FOXK2: variants seen among roughly 807,000 people sequenced by gnomAD.
FOXK2 encodes the protein forkhead box protein K2.
Under a neutral mutation model 53.3 loss-of-function variants are expected in FOXK2, and 24 were observed. That is an observed-to-expected ratio of 0.45 (90% CI 0.33 to 0.63). The LOEUF is 0.63. FOXK2 is among the 30% of genes least tolerant of loss of function. The pLI is 0.03. For missense variants in FOXK2, 952 were observed against 910.5 expected, an observed-to-expected ratio of 1.05 and a Z score of -0.59; for synonymous variants, 505 against 407.1, an observed-to-expected ratio of 1.24 and a Z score of -2.89.
intron 8 of FOXK2, among the ~76,000 whole-genome samples, chr17:82,596,783 A>G (rs565506888): frequency 1.1e-4 from 16 of 152,054 alleles, no homozygotes; most frequent in African/African-American, 3.1e-4. Flanking sequence ...TCTTTCTTTG[A>G]TCTCTGCCGA....
intron 1 of FOXK2, among the ~76,000 whole-genome samples, chr17:82,548,580 T>C (rs1490464690): frequency 6.6e-6 from 1 of 152,214 alleles, no homozygotes; most frequent in South Asian, 2.1e-4. Context: ...ATTCCATCCT[T>C]TGCCCTGTTT....
At chr17:82,571,963 A>G in intron 4 of FOXK2, 93 bp downstream of exon 4, 1 of 1,297,630 alleles carries the variant, frequency 7.7e-7, no homozygotes, top group Non-Finnish European at 1.0e-6. Flanking sequence ...ACAGGATAGG[A>G]AGGTAGAAGG....
Position 82,586,008 on chromosome 17 carries a change from A to G in FOXK2, c.1384A>G (p.Thr462Ala), listed in dbSNP as rs759715528. Residue 462 changes from threonine (T) to alanine (A), a missense_variant, in exon 7 of 9, where the codon ACC (threonine) becomes GCC (alanine). Physicochemically the swap from Thr to Ala is moderately conservative, Grantham distance 58 (BLOSUM62 0). Around this residue, in one of 5 missense-constraint regions of FOXK2, gnomAD observed 551 missense variants for 385.1 expected, o/e 1.43. Coordinates refer to ENST00000335255, the MANE Select transcript of FOXK2 (RefSeq NM_004514.4). ...YTVATPVTTS[T>A]SQPPVVQTVH... ...TGTGGCCACCCCAGTGACCACCTCG[A>G]CCTCCCAGCCACCCGTCGTGCAGAC... The G allele has an allele frequency of 6.2e-7, 1 of 1,612,678 alleles. No homozygotes were observed. Among genetic ancestry groups the G allele is most frequent in the South Asian group, 1.1e-5 (1 of 91,080 alleles).
chr17:82,545,681 A>G (rs1423745904), intron 1 of FOXK2, among the ~76,000 whole-genome samples: 5 of 151,690 alleles, frequency 3.3e-5, no homozygotes, highest in African/African-American at 1.2e-4. Context: ...TCCCAGGTTC[A>G]AGCGATTCTC....
chr17:82,585,910 C>G lies in FOXK2; in HGVS notation c.1286C>G (p.Pro429Arg). ...CTGCTGTGTCTTTCACCAGGGTCAC[C>G]TCTGTCCAGTCAGCCAGTCTTAATC... ...ARFAQSAPGSPLSSQPVLITV... is the reference protein window; with the variant it reads ...ARFAQSAPGSRLSSQPVLITV... Residue 429 changes from proline to arginine, a missense_variant, in exon 7 of 9, where the codon CCT becomes CGT. This residue lies in a region of FOXK2 where 551 missense variants were observed against 385.1 expected (regional missense o/e 1.43). Coordinates refer to ENST00000335255, the MANE Select transcript of FOXK2 (RefSeq NM_004514.4). The G allele has an allele frequency of 6.2e-7, 1 of 1,610,612 alleles. No homozygotes were observed. Among genetic ancestry groups the G allele is most frequent in the Non-Finnish European group, 8.5e-7 (1 of 1,178,212 alleles).
At chr17:82,552,600 C>T (rs1055125167) in intron 1 of FOXK2, among the ~76,000 whole-genome samples, 4 of 152,176 alleles carry the variant, frequency 2.6e-5, no homozygotes, top group South Asian at 2.1e-4. Context: ...TTTCGTCGAA[C>T]GTCCCTCAGT....
At chr17:82,522,042 T>A (rs2044368238) in intron 1 of FOXK2, among the ~76,000 whole-genome samples, 1 of 54,684 alleles carries the variant, frequency 1.8e-5, no homozygotes, top group Non-Finnish European at 4.8e-5. Flanking sequence ...TTAATCTGAC[T>A]TTTTTTTTTT....
intron 1 of FOXK2, among the ~76,000 whole-genome samples, chr17:82,546,954 G>A (rs756704315): frequency 4.0e-5 from 6 of 151,830 alleles, no homozygotes; most frequent in African/African-American, 7.3e-5. Context: ...GTGGGTGCCT[G>A]TAGTCCCAGC....
intron 1 of FOXK2, among the ~76,000 whole-genome samples, chr17:82,544,866 C>G (rs1439197593): frequency 6.6e-6 from 1 of 152,020 alleles, no homozygotes; most frequent in Admixed American, 6.6e-5. Flanking sequence ...TGTCTGTCCC[C>G]CTTTCCTCTT....
chr17:82,586,448 GC>G (rs111739683), intron 7 of FOXK2, among the ~76,000 whole-genome samples: 716 of 15,550 alleles, frequency 0.046, 151 homozygotes, highest in African/African-American at 0.094. Flanking sequence ...TCAAAGGTGG[GC>G]CGGGGGGGGA....
At chr17:82,529,246 A>T (rs1256989311) in intron 1 of FOXK2, among the ~76,000 whole-genome samples, 1 of 121,916 alleles carries the variant, frequency 8.2e-6, no homozygotes, top group African/African-American at 3.3e-5. Context: ...TTTTTGAGAC[A>T]GGGTCTTGCT....
chr17:82,593,238 G>C (rs944762179), intron 8 of FOXK2, among the ~76,000 whole-genome samples: 2 of 151,652 alleles, frequency 1.3e-5, no homozygotes, highest in African/African-American at 2.4e-5. Flanking sequence ...ACCCAGTGAA[G>C]GTCTCCCTGT....
chr17:82,526,710 G>A (rs1416778768), intron 1 of FOXK2, among the ~76,000 whole-genome samples: 1 of 151,962 alleles, frequency 6.6e-6, no homozygotes, highest in Non-Finnish European at 1.5e-5. Context: ...GGCACCTCTA[G>A]TCCCAGCTAC....
chr17:82,566,652 T>C (rs1417959958), intron 2 of FOXK2, among the ~76,000 whole-genome samples: 4 of 152,120 alleles, frequency 2.6e-5, no homozygotes, highest in Non-Finnish European at 4.4e-5. Flanking sequence ...ACAGCAGCGG[T>C]GGGTGCAGGG....
intron 4 of FOXK2, chr17:82,577,162 C>CA (rs1402537788): frequency 1.7e-5 from 15 of 888,884 alleles, no homozygotes; most frequent in Admixed American, 6.3e-5. Flanking sequence ...AACTCCGTCT[C>CA]AAAAAAAGAA....
At chr17:82,560,168 G>A (rs1295681505) in intron 1 of FOXK2, among the ~76,000 whole-genome samples, 1 of 151,840 alleles carries the variant, frequency 6.6e-6, no homozygotes. Flanking sequence ...ACCATGCCTG[G>A]CTTATTTTTT....
intron 1 of FOXK2, among the ~76,000 whole-genome samples, chr17:82,546,683 G>C (rs1244322631): frequency 1.3e-5 from 2 of 151,892 alleles, no homozygotes; most frequent in African/African-American, 2.4e-5. Context: ...GCCCAGGCTG[G>C]TCTTGAACTC....
In FOXK2 at chr17:82,520,201, C is replaced by T; in HGVS notation, c.313C>T (p.Pro105Ser). 7.5e-7 allele frequency: 1 copy of T among 1,336,828 alleles called. No homozygotes were observed. Among genetic ancestry groups the T allele is most frequent in the Non-Finnish European group, 9.6e-7 (1 of 1,045,376 alleles). 82.8% of individuals were successfully genotyped at this position (1,336,828 alleles called of 1,614,324 possible). A position where few individuals can be genotyped will look rare whatever the true frequency, so the allele number is the denominator to read the frequency against. ...GGAGCTGCCGCCCGCGCAGCCCAGGCCCGACGCCGGCGGCGACTTCTACCT... is the reference window on the plus strand; with the variant it reads ...GGAGCTGCCGCCCGCGCAGCCCAGGTCCGACGCCGGCGGCGACTTCTACCT... The part of the protein sequence containing the change: ...APELPPAQPR[P>S]DAGGDFYLRC... Residue 105 changes from proline to serine, a missense_variant, in exon 1 of 9, where the codon CCC becomes TCC. Pro to Ser is a moderately conservative substitution (Grantham distance 74). Transcript: ENST00000335255.
intron 1 of FOXK2, among the ~76,000 whole-genome samples, chr17:82,527,186 C>CA (rs1230930456): frequency 6.6e-6 from 1 of 152,108 alleles, no homozygotes; most frequent in African/African-American, 2.4e-5. Flanking sequence ...GTTCAGTGTA[C>CA]AAATCAGTTG....
Sources: allele counts gnomAD v4.1 joint callset (sites outside exome capture counted in the v4.1 genomes callset), GRCh38; gene constraint gnomAD v4.1.1; regional missense constraint gnomAD v4.1.1; transcripts MANE v1.5; gene names NCBI Gene and HGNC (gene_info 2026-07-23, HGNC 2026-07-21).